SAMHD1: variants seen among roughly 807,000 people sequenced by gnomAD.
SAMHD1 encodes SAM and HD domain containing deoxynucleoside triphosphate triphosphohydrolase 1.
In SAMHD1, 54 loss-of-function variants were observed where a neutral mutation model predicts 79.6. The observed-to-expected ratio is 0.68, with a 90% confidence interval of 0.55 to 0.85. The LOEUF is 0.85. Among genes scored for constraint, SAMHD1 ranks in the 40% least tolerant of loss-of-function variants. The pLI is 0.00. For missense variants in SAMHD1, 663 were observed against 782.7 expected, an observed-to-expected ratio of 0.85 and a Z score of 1.82; for synonymous variants, 260 against 264.1, an observed-to-expected ratio of 0.98 and a Z score of 0.15.
intron 2 of SAMHD1, among the ~76,000 whole-genome samples, chr20:36,944,306 G>A (rs2063669560): frequency 6.9e-6 from 1 of 145,788 alleles, no homozygotes. Flanking sequence ...GCAACAGAGT[G>A]AGACTTCGTC....
At chr20:36,949,003 G>A (rs967447650) in intron 1 of SAMHD1, among the ~76,000 whole-genome samples, 2 of 150,728 alleles carry the variant, frequency 1.3e-5, no homozygotes, top group Non-Finnish European at 3.0e-5. Flanking sequence ...GGTGGCTCAC[G>A]CCTGTAATCC....
chr20:36,924,335 A>G (rs548018049), intron 6 of SAMHD1, among the ~76,000 whole-genome samples: 1 of 151,312 alleles, frequency 6.6e-6, no homozygotes, highest in South Asian at 2.1e-4. Flanking sequence ...AAAGGAAGGA[A>G]AGGAAGGAAG....
Position 36,893,050 on chromosome 20 carries a change from G to A in SAMHD1, c.1763C>T (p.Ala588Val), listed in dbSNP as rs1217711183. Reference sequence around the variant, plus strand: ...CTTTTTTTGAGGTGTTATGAGTGGGGCTATAACATCGCCATCCTATTAGGA... The same window carrying A: ...CTTTTTTTGAGGTGTTATGAGTGGGACTATAACATCGCCATCCTATTAGGA... ...FTKPQDGDVIAPLITPQKKEW... is the reference protein window; with the variant it reads ...FTKPQDGDVIVPLITPQKKEW... The change falls in exon 16 of 16, where the codon GCC becomes GTC. Residue 588 changes from alanine to valine, a missense_variant. Physicochemically the swap from Ala to Val is moderately conservative, Grantham distance 64. Transcript: ENST00000646673. The A allele has an allele frequency of 6.2e-7, 1 of 1,613,472 alleles. No homozygotes were observed. The highest frequency in any genetic ancestry group is 2.2e-5 in the East Asian group (1 of 44,878).
At chr20:36,941,222 T>C in intron 2 of SAMHD1, 111 bp from the exon 3 acceptor site, 1 of 754,768 alleles carries the variant, frequency 1.3e-6, no homozygotes, top group South Asian at 1.5e-5. Flanking sequence ...AGAAGTTAGA[T>C]TGGAAGGAAC....
chr20:36,909,649 C>A (rs2063425033), intron 11 of SAMHD1, among the ~76,000 whole-genome samples: 1 of 136,932 alleles, frequency 7.3e-6, no homozygotes. Context: ...ACAGCCTGGG[C>A]TACAAGAGCA....
chr20:36,944,034 C>T (rs1269388885), intron 2 of SAMHD1, among the ~76,000 whole-genome samples: 10 of 140,500 alleles, frequency 7.1e-5, no homozygotes, highest in Non-Finnish European at 1.5e-4. Context: ...GCCGAGATCA[C>T]GCCACTGCCC....
chr20:36,927,438 C>T (rs2063543969), intron 5 of SAMHD1, among the ~76,000 whole-genome samples, 186 bp from the exon 6 acceptor site: 1 of 151,544 alleles, frequency 6.6e-6, no homozygotes, highest in South Asian at 2.1e-4. Context: ...CTGCCTCAGG[C>T]TACCGAGTAG....
chr20:36,912,615 G>A, intron 9 of SAMHD1, 63 bp from the exon 10 acceptor site: 1 of 1,177,112 alleles, frequency 8.5e-7, no homozygotes, highest in Non-Finnish European at 1.3e-6. Flanking sequence ...TTAGAGACAA[G>A]TATATAGGAC....
At position 36,927,314 on chromosome 20, in the gene SAMHD1, C is replaced by CT. The variant is rs529639777; in HGVS notation, c.626-63dup. The CT allele has an allele frequency of 0.071, 53,568 of 751,752 alleles. 26 individuals carry two copies. The highest frequency in any genetic ancestry group is 0.08 in the East Asian group (2,318 of 28,930). 46.6% of individuals were successfully genotyped at this position (751,752 alleles called of 1,614,324 possible). A position where few individuals can be genotyped will look rare whatever the true frequency, so the allele number is the denominator to read the frequency against. On this transcript the variant is annotated intron_variant, in intron 5 of 15. Transcript: ENST00000646673. ...TCTGTAAACCAACAAAAACTTTTTC[C>CT]TTTTTTTTTTTTTTTTTTTTGAGAC...
In SAMHD1 at chr20:36,916,967, T is replaced by C. The variant is rs769445437; in HGVS notation, c.935A>G (p.Lys312Arg). ...SNKRNGIDVD[K>R]WDYFARDCHH... ...TGCATACCTGGCAAAATAATCCCATTTGTCCACATCAATGCCATTTCTTTT... is the reference window on the plus strand; with the variant it reads ...TGCATACCTGGCAAAATAATCCCATCTGTCCACATCAATGCCATTTCTTTT... Residue 312 changes from lysine (K) to arginine (R), a missense_variant, in exon 8 of 16, where the codon AAA (lysine) becomes AGA (arginine). Physicochemically the swap from Lys to Arg is conservative, Grantham distance 26 (BLOSUM62 2). Transcript: ENST00000646673. The C allele has an allele frequency of 6.2e-7, 1 of 1,613,414 alleles. No individual in the cohort carries two copies. Among genetic ancestry groups the C allele is most frequent in the Non-Finnish European group, 8.5e-7 (1 of 1,179,350 alleles).
At position 36,931,874 on chromosome 20, in the gene SAMHD1, A is replaced by C. The variant is rs555121754; in HGVS notation, c.510-999T>G. 5.9e-5 allele frequency among the ~76,000 whole-genome samples: 9 copies of C among 152,308 alleles called. No individual in the cohort carries two copies. In the South Asian group the frequency reaches 1.9e-3, roughly 32 times the overall value. On this transcript the variant is annotated intron_variant, in intron 4 of 15. Coordinates refer to ENST00000646673, the MANE Select transcript of SAMHD1 (RefSeq NM_015474.4). The stretch of plus-strand genomic sequence containing the variant: ...GGAAAGAAATACTGACACATGCTAC[A>C]ACATAGATGAACTTTGAGGAAATTA...
At chr20:36,929,056 G>GAAA (rs773907363) in intron 5 of SAMHD1, among the ~76,000 whole-genome samples, 2 of 123,474 alleles carry the variant, frequency 1.6e-5, no homozygotes, top group African/African-American at 3.0e-5. Context: ...GACTCCATCT[G>GAAA]AAAAAAAAAA....
At chr20:36,912,889 G>GT (rs71186089) in intron 9 of SAMHD1, among the ~76,000 whole-genome samples, 12,922 of 40,906 alleles carry the variant, frequency 0.32, 5,178 homozygotes, top group South Asian at 0.51. Flanking sequence ...TTCATTCTTT[G>GT]TTTTTTTTTT....
chr20:36,933,749 C>T (rs940384728), intron 4 of SAMHD1, among the ~76,000 whole-genome samples: 5 of 152,224 alleles, frequency 3.3e-5, no homozygotes, highest in African/African-American at 9.6e-5. Flanking sequence ...CCCCGGCCTC[C>T]CAAAGTGCTG....
intron 15 of SAMHD1, chr20:36,893,759 G>A (rs1990138125): frequency 7.6e-6 from 3 of 396,196 alleles, no homozygotes; most frequent in Non-Finnish European, 1.3e-5. Flanking sequence ...GGAATACAAT[G>A]CTGGTGGGAG....
intron 4 of SAMHD1, among the ~76,000 whole-genome samples, chr20:36,932,460 T>G (rs1427008225): frequency 6.9e-5 from 10 of 145,418 alleles, no homozygotes; most frequent in African/African-American, 1.8e-4. Flanking sequence ...TCGTGTTTTT[T>G]TTTTTTTTTT....
At chr20:36,946,835 T>C in intron 1 of SAMHD1, 31 bp from the exon 2 acceptor site, 1 of 1,529,700 alleles carries the variant, frequency 6.5e-7, no homozygotes, top group Non-Finnish European at 9.0e-7. Context: ...ATTCAATGTA[T>C]ACAACATATG....
At chr20:36,943,105 G>A (rs2063659090) in intron 2 of SAMHD1, among the ~76,000 whole-genome samples, 2 of 152,146 alleles carry the variant, frequency 1.3e-5, no homozygotes, top group Admixed American at 1.3e-4. Flanking sequence ...GGTGAACTCT[G>A]GGCACAGGGA....
At chr20:36,918,674 C>G (rs1277678320) in intron 7 of SAMHD1, among the ~76,000 whole-genome samples, 1 of 151,556 alleles carries the variant, frequency 6.6e-6, no homozygotes, top group Non-Finnish European at 1.5e-5. Flanking sequence ...TGGTGGCACA[C>G]ACCTGTAATC....
Sources: allele counts gnomAD v4.1 joint callset (sites outside exome capture counted in the v4.1 genomes callset), GRCh38; gene constraint gnomAD v4.1.1; transcripts MANE v1.5; gene names NCBI Gene and HGNC (gene_info 2026-07-23, HGNC 2026-07-21).